The following MPP7 variants were observed in gnomAD, a reference collection of about 807,000 sequenced individuals.
MPP7 encodes MAGUK p55 subfamily member 7.
MPP7 carries 60 observed loss-of-function variants against 76.5 expected under a neutral mutation model. That is an observed-to-expected ratio of 0.78 (90% CI 0.64 to 0.97). The LOEUF (loss-of-function observed/expected upper bound fraction) is 0.97. Ranked by LOEUF, MPP7 falls within the 50% of genes least tolerant of loss-of-function variation. The pLI, the probability that MPP7 is intolerant of heterozygous loss-of-function variation, is 0.00. For synonymous variants in MPP7, 237 were observed against 244.5 expected (o/e 0.97, Z 0.29); for missense variants, 641 against 694.0 (o/e 0.92, Z 0.86).
intron 16 of MPP7, among the ~76,000 whole-genome samples, chr10:28,056,087 T>G (rs1851542722): frequency 6.6e-6 from 1 of 152,186 alleles, no homozygotes; most frequent in Non-Finnish European, 1.5e-5. Flanking sequence ...TTTTTGTGGT[T>G]GTTGTTGAGA....
intron 1 of MPP7, among the ~76,000 whole-genome samples, chr10:28,297,374 A>G (rs1841058080): frequency 6.6e-6 from 1 of 152,212 alleles, no homozygotes; most frequent in Non-Finnish European, 1.5e-5. Context: ...GGCTGCTGAA[A>G]GATGGATGGC....
intron 1 of MPP7, among the ~76,000 whole-genome samples, chr10:28,249,410 G>A (rs1342259849): frequency 1.3e-5 from 2 of 152,070 alleles, no homozygotes; most frequent in Non-Finnish European, 2.9e-5. Flanking sequence ...CCAACATGGC[G>A]AAACCCCATC....
At chr10:28,122,382 T>C (rs971152470) in intron 8 of MPP7, among the ~76,000 whole-genome samples, 12 of 152,246 alleles carry the variant, frequency 7.9e-5, no homozygotes, top group African/African-American at 2.9e-4. Context: ...TTTCCGAATA[T>C]TTTTGAAAAA....
intron 11 of MPP7, among the ~76,000 whole-genome samples, chr10:28,100,174 T>A (rs905744235): frequency 2.7e-5 from 4 of 150,800 alleles, no homozygotes; most frequent in African/African-American, 9.7e-5. Context: ...CTGGAAATTA[T>A]TATATGATAT....
chr10:28,149,049 A>T (rs1044115441), intron 4 of MPP7, among the ~76,000 whole-genome samples: 1 of 152,226 alleles, frequency 6.6e-6, no homozygotes, highest in African/African-American at 2.4e-5. Context: ...AAAAATGGGA[A>T]CTAAACAAAT....
intron 5 of MPP7, among the ~76,000 whole-genome samples, chr10:28,140,985 T>C (rs924348566): frequency 5.9e-5 from 9 of 152,092 alleles, no homozygotes; most frequent in African/African-American, 1.9e-4. Context: ...AGCACAACTT[T>C]GGTCTCAGGA....
intron 1 of MPP7, among the ~76,000 whole-genome samples, chr10:28,301,084 A>G (rs1399939265): frequency 6.6e-6 from 1 of 152,162 alleles, no homozygotes; most frequent in Non-Finnish European, 1.5e-5. Context: ...GCTACTCCCA[A>G]CTACCCATTT....
intron 11 of MPP7, among the ~76,000 whole-genome samples, chr10:28,117,540 A>G (rs1834699627): frequency 6.6e-6 from 1 of 152,130 alleles, no homozygotes; most frequent in Non-Finnish European, 1.5e-5. Flanking sequence ...CAAAACCCTA[A>G]GTACCAAATA....
intron 2 of MPP7, among the ~76,000 whole-genome samples, chr10:28,324,348 T>C (rs778653581): frequency 6.6e-5 from 10 of 152,190 alleles, no homozygotes; most frequent in Non-Finnish European, 1.3e-4. Flanking sequence ...AGAAAGAAAT[T>C]TCTGTAATCT....
chr10:28,191,188 A>T (rs1837400358), intron 3 of MPP7, among the ~76,000 whole-genome samples: 1 of 152,196 alleles, frequency 6.6e-6, no homozygotes, highest in East Asian at 1.9e-4. Context: ...TCACTGGTGA[A>T]TTCTACAAAA....
chr10:28,322,366 G>A (rs1322795658), intron 2 of MPP7, among the ~76,000 whole-genome samples: 1 of 151,842 alleles, frequency 6.6e-6, no homozygotes, highest in Non-Finnish European at 1.5e-5. Flanking sequence ...CATTTTTCCT[G>A]CTTTTCTAAA....
chr10:28,180,644 C>T (rs549554298), intron 3 of MPP7, among the ~76,000 whole-genome samples: 4 of 152,122 alleles, frequency 2.6e-5, no homozygotes, highest in Non-Finnish European at 5.9e-5. Flanking sequence ...AATGCCTAAA[C>T]CTTAGCAGCA....
chr10:28,206,700 T>C (rs1208425241), intron 2 of MPP7, among the ~76,000 whole-genome samples: 1 of 152,198 alleles, frequency 6.6e-6, no homozygotes, highest in African/African-American at 2.4e-5. Flanking sequence ...TATAAGCTGT[T>C]TGAGATGGAG....
At chr10:28,187,402 T>A (rs1837272794) in intron 3 of MPP7, among the ~76,000 whole-genome samples, 2 of 152,324 alleles carry the variant, frequency 1.3e-5, no homozygotes, top group Non-Finnish European at 2.9e-5. Context: ...CATCTGGCTT[T>A]TCCAACAGAG....
Position 28,113,490 on chromosome 10 carries a change from G to T in MPP7, c.952+6161C>A, listed in dbSNP as rs577209991. Among the ~76,000 whole-genome samples, 3 of 152,260 alleles carry T rather than the reference G, an allele frequency of 2.0e-5. No homozygotes were observed. The South Asian group carries it at 6.2e-4, about 32-fold the overall frequency. On this transcript the variant is annotated intron_variant, in intron 11 of 16. Transcript: ENST00000683449. ...TTCCTAGAGAGTGGCTATCTTGGTA[G>T]GAATAAACCGGAAACAGGTCAGACA...
At position 28,273,502 on chromosome 10, in the gene MPP7, C is replaced by T. The variant is rs538020382; in HGVS notation, c.-132+29359G>A. On this transcript the variant is annotated intron_variant, in intron 1 of 16. Coordinates refer to ENST00000683449, the MANE Select transcript of MPP7 (RefSeq NM_001318170.2). ...GAGACAGACATAAGCAATTGCTCGG[C>T]GTAGCCTCTCCTACAGAAGAGTTAC... is the stretch of plus-strand genomic sequence containing the variant. Among the ~76,000 whole-genome samples the T allele has an allele frequency of 5.3e-5, 8 of 152,294 alleles. No individual in the cohort carries two copies. In the South Asian group the frequency reaches 1.0e-3, roughly 20 times the overall value.
intron 3 of MPP7, among the ~76,000 whole-genome samples, chr10:28,196,578 C>T (rs1837590233): frequency 6.6e-6 from 1 of 152,134 alleles, no homozygotes; most frequent in South Asian, 2.1e-4. Flanking sequence ...CCTCTCATCT[C>T]CTCTGAGGAG....
chr10:28,203,952 A>G (rs1384127131), intron 2 of MPP7, among the ~76,000 whole-genome samples: 1 of 152,220 alleles, frequency 6.6e-6, no homozygotes, highest in Non-Finnish European at 1.5e-5. Context: ...TACATTTCAC[A>G]TGAAACTCAG....
chr10:28,054,338 C>T (rs1337161583), intron 16 of MPP7, 94 bp from the exon 17 acceptor site: 1 of 738,502 alleles, frequency 1.4e-6, no homozygotes, highest in African/African-American at 1.8e-5. Context: ...TTACCTAATG[C>T]TGTTCTGTGT....
Sources: gnomAD v4.1 joint callset for allele counts (sites outside exome capture counted in the v4.1 genomes callset) on GRCh38, gnomAD v4.1.1 for gene constraint, MANE v1.5 for transcripts, NCBI Gene and HGNC (gene_info 2026-07-23, HGNC 2026-07-21) for gene names.